SYNPO2: variants seen among roughly 807,000 people sequenced by gnomAD.
The protein encoded by SYNPO2 is synaptopodin-2.
In SYNPO2, 56 loss-of-function variants were observed where a neutral mutation model predicts 85.0. That is an observed-to-expected ratio of 0.66 (90% CI 0.53 to 0.82). The LOEUF is 0.82. SYNPO2 is among the 40% of genes least tolerant of loss of function. The pLI, the probability that SYNPO2 is intolerant of heterozygous loss-of-function variation, is 0.00. For missense variants in SYNPO2, 1,575 were observed against 1,534.2 expected, an observed-to-expected ratio of 1.03 and a Z score of -0.44; for synonymous variants, 602 against 591.1, an observed-to-expected ratio of 1.02 and a Z score of -0.27.
intron 1 of SYNPO2, among the ~76,000 whole-genome samples, chr4:118,895,002 C>A (rs568773173): frequency 5.8e-4 from 88 of 152,234 alleles, no homozygotes; most frequent in African/African-American, 1.8e-3. Flanking sequence ...ATAAAGAACA[C>A]GTGATTGATA....
At chr4:118,938,398 T>C (rs7696598) in intron 1 of SYNPO2, among the ~76,000 whole-genome samples, 113,168 of 152,026 alleles carry the variant, frequency 0.74, 44,101 homozygotes, top group South Asian at 0.89. Context: ...TTTTTATTGT[T>C]GTTGGGTTTT....
chr4:119,046,209 T>G (rs139224763), intron 4 of SYNPO2, among the ~76,000 whole-genome samples: 7 of 152,348 alleles, frequency 4.6e-5, no homozygotes, highest in Non-Finnish European at 7.3e-5. Context: ...TTATTATCAT[T>G]GCTTCAAAGA....
intron 1 of SYNPO2, among the ~76,000 whole-genome samples, chr4:118,956,550 T>A (rs1734883385): frequency 6.6e-6 from 1 of 152,222 alleles, no homozygotes; most frequent in South Asian, 2.1e-4. Context: ...AATCAATTAT[T>A]CCTTATTCTT....
intron 1 of SYNPO2, among the ~76,000 whole-genome samples, chr4:118,894,764 C>T (rs943345623): frequency 6.6e-6 from 1 of 151,734 alleles, no homozygotes; most frequent in Non-Finnish European, 1.5e-5. Context: ...AAACACTTCT[C>T]TAGGCTAACT....
intron 1 of SYNPO2, among the ~76,000 whole-genome samples, chr4:118,874,869 C>T (rs1375966115): frequency 2.6e-5 from 4 of 152,192 alleles, no homozygotes; most frequent in Middle Eastern, 3.4e-3. Context: ...TTTTTTCCAA[C>T]TTTTTGTTTA....
At chr4:119,043,363 G>A (rs1431374815) in intron 4 of SYNPO2, 1 of 152,138 alleles carries the variant, frequency 6.6e-6, no homozygotes, top group Non-Finnish European at 1.5e-5. Context: ...GAGGGCTGAT[G>A]TAGTATTTTA....
Position 118,889,059 on chromosome 4 carries a change from G to T in SYNPO2, c.23G>T (p.Cys8Phe). 1 of 1,614,182 alleles carries T rather than the reference G, an allele frequency of 6.2e-7. No individual in the cohort carries two copies. The highest frequency in any genetic ancestry group is 8.5e-7 in the Non-Finnish European group (1 of 1,180,022). MGTGDFI[C>F]ISMTGGAPWG... ...AACATGGGCACAGGGGATTTTATCT[G>T]CATTTCCATGACTGGAGGGGCGCCC... The change falls in exon 1 of 5, where the codon TGC (cysteine) becomes TTC (phenylalanine). Residue 8 changes from cysteine (C) to phenylalanine (F), a missense_variant. By Grantham distance (205) the Cys-to-Phe change is radical. Around this residue, in one of 3 missense-constraint regions of SYNPO2, gnomAD observed 55 missense variants for 55.5 expected, o/e 0.99. Transcript: ENST00000307142.
intron 1 of SYNPO2, among the ~76,000 whole-genome samples, chr4:118,992,906 G>A (rs780336847): frequency 6.6e-6 from 1 of 152,152 alleles, no homozygotes; most frequent in Non-Finnish European, 1.5e-5. Flanking sequence ...CAGATGTGGG[G>A]CATCTTCTGT....
At chr4:118,865,768 G>C (rs1362425970) in intron 1 of SYNPO2, among the ~76,000 whole-genome samples, 1 of 152,106 alleles carries the variant, frequency 6.6e-6, no homozygotes, top group East Asian at 1.9e-4. Flanking sequence ...TATTCGAATA[G>C]GGGAAAGAGA....
chr4:118,988,491 T>C (rs11938552), intron 1 of SYNPO2, among the ~76,000 whole-genome samples: 18,622 of 152,160 alleles, frequency 0.12, 1,135 homozygotes, highest in East Asian at 0.15. Flanking sequence ...TGCTTTCAAC[T>C]ACAAGACAGG....
chr4:118,981,923 GCGTT>G (rs1477761540), intron 1 of SYNPO2, among the ~76,000 whole-genome samples: 1 of 152,130 alleles, frequency 6.6e-6, no homozygotes, highest in Non-Finnish European at 1.5e-5. Flanking sequence ...AACCCAGTTT[GCGTT>G]CAGAGGAAAA....
At chr4:118,927,237 C>A (rs1410289437) in intron 1 of SYNPO2, among the ~76,000 whole-genome samples, 1 of 152,036 alleles carries the variant, frequency 6.6e-6, no homozygotes, top group Non-Finnish European at 1.5e-5. Flanking sequence ...GAAATTTCTG[C>A]CATGGATATT....
At chr4:118,957,812 G>A (rs1041889898) in intron 1 of SYNPO2, among the ~76,000 whole-genome samples, 3 of 152,150 alleles carry the variant, frequency 2.0e-5, no homozygotes, top group East Asian at 3.8e-4. Flanking sequence ...CTCCTATCTC[G>A]CAGATGGAGA....
At chr4:119,007,253 CATATAT>C (rs59327133) in intron 1 of SYNPO2, among the ~76,000 whole-genome samples, 53 of 38,088 alleles carry the variant, frequency 1.4e-3, no homozygotes, top group African/African-American at 4.8e-3. Context: ...TATGTATATA[CATATAT>C]ATATATATAT....
rs1434428754 is a variant in SYNPO2, at chr4:118,997,239, CA to C, written c.106-26173del. 7.1e-3 allele frequency among the ~76,000 whole-genome samples: 463 copies of C among 65,208 alleles called. 4 individuals carry two copies. Among genetic ancestry groups the C allele is most frequent in the African/African-American group, 0.02 (322 of 15,970 alleles). The allele number at this position is 65,208 out of a possible 152,430, so 42.8% of individuals were successfully genotyped here. A position where few individuals can be genotyped will look rare whatever the true frequency, so the allele number is the denominator to read the frequency against. On this transcript the variant is annotated intron_variant, in intron 1 of 4. Coordinates refer to ENST00000307142, the MANE Select transcript of SYNPO2 (RefSeq NM_133477.3). ...TGGGCGACAGAGCGAGACTCCGTCT[CA>C]AAAAAAAAAAAAAAAAATTAAAAGA...
chr4:119,022,927 C>T (rs1737794498), intron 1 of SYNPO2, among the ~76,000 whole-genome samples: 1 of 151,798 alleles, frequency 6.6e-6, no homozygotes, highest in African/African-American at 2.4e-5. Flanking sequence ...CAGGCGCACA[C>T]CACCATGCCC....
intron 1 of SYNPO2, among the ~76,000 whole-genome samples, chr4:118,952,534 T>G (rs542496145): frequency 1.3e-5 from 2 of 152,328 alleles, no homozygotes; most frequent in East Asian, 3.9e-4. Context: ...TTATGTATTT[T>G]GAATTAACTC....
intron 1 of SYNPO2, among the ~76,000 whole-genome samples, chr4:118,861,561 G>C (rs1731612497): frequency 1.3e-5 from 2 of 152,126 alleles, no homozygotes; most frequent in Admixed American, 6.6e-5. Context: ...TTCTGCATAT[G>C]GATATCCAGT....
At chr4:118,870,451 G>C (rs1431194833) in intron 1 of SYNPO2, among the ~76,000 whole-genome samples, 1 of 152,208 alleles carries the variant, frequency 6.6e-6, no homozygotes, top group African/African-American at 2.4e-5. Flanking sequence ...ATGGGCATTT[G>C]GGTTGTTCCA....
Sources: allele counts gnomAD v4.1 joint callset (sites outside exome capture counted in the v4.1 genomes callset), GRCh38; gene constraint gnomAD v4.1.1; regional missense constraint gnomAD v4.1.1; transcripts MANE v1.5; gene names NCBI Gene and HGNC (gene_info 2026-07-23, HGNC 2026-07-21).